NALF1: variants seen among roughly 807,000 people sequenced by gnomAD.
NALF1 encodes the protein NALCN channel auxiliary factor 1.
A neutral mutation model predicts 48.4 loss-of-function variants in NALF1; 3 were observed. The ratio of observed to expected loss-of-function variants is 0.06; its 90% CI spans 0.03 to 0.16. The LOEUF (loss-of-function observed/expected upper bound fraction) is 0.16. NALF1 is among the 10% of genes least tolerant of loss of function. The pLI, the probability that NALF1 is intolerant of heterozygous loss-of-function variation, is 1.00. For synonymous variants in NALF1, 262 were observed against 245.7 expected, an observed-to-expected ratio of 1.07 and a Z score of -0.62; for missense variants, 526 against 571.5, an observed-to-expected ratio of 0.92 and a Z score of 0.81.
chr13:107,347,080 A>C (rs576781011), intron 1 of NALF1, among the ~76,000 whole-genome samples: 1 of 152,336 alleles, frequency 6.6e-6, no homozygotes, highest in South Asian at 2.1e-4. Context: ...ATTTATCTTC[A>C]TATAAATGAA....
intron 1 of NALF1, among the ~76,000 whole-genome samples, chr13:107,559,947 T>TCCA (rs1303467080): frequency 6.6e-6 from 1 of 151,920 alleles, no homozygotes; most frequent in Non-Finnish European, 1.5e-5. Context: ...TAAAGGGGGA[T>TCCA]CCACCGGCCG....
At chr13:107,636,304 C>T (rs771767727) in intron 1 of NALF1, among the ~76,000 whole-genome samples, 5 of 152,086 alleles carry the variant, frequency 3.3e-5, no homozygotes, top group African/African-American at 4.8e-5. Flanking sequence ...TAAAATATAG[C>T]TGAGTTTGCT....
intron 1 of NALF1, among the ~76,000 whole-genome samples, chr13:107,555,222 A>T (rs1405525518): frequency 6.6e-6 from 1 of 152,008 alleles, no homozygotes; most frequent in African/African-American, 2.4e-5. Context: ...GTCATCACTC[A>T]AAACTTACGT....
intron 1 of NALF1, among the ~76,000 whole-genome samples, chr13:107,676,608 TTAATTTAA>T (rs781661396): frequency 0.061 from 2,661 of 43,592 alleles, 40 homozygotes; most frequent in Middle Eastern, 0.21. Flanking sequence ...TTTAATTTAA[TTAATTTAA>T]TTAATTAAAT....
intron 1 of NALF1, among the ~76,000 whole-genome samples, chr13:107,693,329 AG>A (rs1483568046): frequency 1.5e-5 from 1 of 68,002 alleles, no homozygotes; most frequent in African/African-American, 8.8e-5. Flanking sequence ...GTCGTAGGGT[AG>A]GGGGGGCGGG....
chr13:107,458,743 T>C (rs1028849698), intron 1 of NALF1, among the ~76,000 whole-genome samples: 1 of 152,168 alleles, frequency 6.6e-6, no homozygotes, highest in Non-Finnish European at 1.5e-5. Flanking sequence ...AACATGTATA[T>C]GGAGACAATA....
chr13:107,475,182 G>A (rs974974764), intron 1 of NALF1, among the ~76,000 whole-genome samples: 10 of 152,180 alleles, frequency 6.6e-5, no homozygotes, highest in South Asian at 2.1e-4. Context: ...TTTGTCATCC[G>A]AACATTATAT....
chr13:107,226,442 T>C (rs975620243), intron 1 of NALF1, among the ~76,000 whole-genome samples: 1 of 152,150 alleles, frequency 6.6e-6, no homozygotes, highest in Admixed American at 6.5e-5. Context: ...CAATGAAAAA[T>C]TATCCAATAA....
chr13:107,540,804 A>C (rs890513476), intron 1 of NALF1, among the ~76,000 whole-genome samples: 8 of 152,160 alleles, frequency 5.3e-5, no homozygotes, highest in Admixed American at 3.9e-4. Flanking sequence ...GGCCAAAAAA[A>C]GTTTTTGGAT....
At chr13:107,555,413 C>T (rs1041697403) in intron 1 of NALF1, among the ~76,000 whole-genome samples, 5 of 147,208 alleles carry the variant, frequency 3.4e-5, no homozygotes, top group African/African-American at 1.2e-4. Context: ...GCTGGGACTA[C>T]AGGTTCCTGC....
At chr13:107,262,372 G>A (rs892481918) in intron 1 of NALF1, among the ~76,000 whole-genome samples, 17 of 152,116 alleles carry the variant, frequency 1.1e-4, no homozygotes, top group South Asian at 2.1e-4. Context: ...CTGAGATCAC[G>A]CTGCTACACT....
chr13:107,563,177 C>T (rs532194648), intron 1 of NALF1, among the ~76,000 whole-genome samples: 92 of 152,284 alleles, frequency 6.0e-4, no homozygotes, highest in Admixed American at 1.1e-3. Context: ...AACACTTTTG[C>T]CGCAAGGAGA....
chr13:107,561,691 A>T (rs1354471014), intron 1 of NALF1, among the ~76,000 whole-genome samples: 1 of 152,184 alleles, frequency 6.6e-6, no homozygotes, highest in Admixed American at 6.5e-5. Context: ...TTAATTTTTA[A>T]GATTACCATC....
At chr13:107,716,729 C>A (rs1252271756) in intron 1 of NALF1, among the ~76,000 whole-genome samples, 1 of 152,172 alleles carries the variant, frequency 6.6e-6, no homozygotes, top group East Asian at 1.9e-4. Flanking sequence ...AAGGTTATCA[C>A]ACAGCTGTTG....
At chr13:107,273,222 T>C (rs985689111) in intron 1 of NALF1, among the ~76,000 whole-genome samples, 2 of 152,236 alleles carry the variant, frequency 1.3e-5, no homozygotes, top group South Asian at 2.1e-4. Flanking sequence ...CCTTGTTATG[T>C]TTCCCCAAGT....
At chr13:107,278,171 G>A (rs145424822) in intron 1 of NALF1, among the ~76,000 whole-genome samples, 2 of 152,258 alleles carry the variant, frequency 1.3e-5, no homozygotes, top group African/African-American at 2.4e-5. Flanking sequence ...AGGATATTTC[G>A]CAGAAGGTAG....
intron 1 of NALF1, among the ~76,000 whole-genome samples, chr13:107,536,800 T>C (rs541843384): frequency 9.0e-4 from 137 of 152,274 alleles, no homozygotes; most frequent in African/African-American, 3.0e-3. Context: ...TGCAGCACTA[T>C]TCACAATAGC....
intron 1 of NALF1, among the ~76,000 whole-genome samples, chr13:107,739,596 C>T (rs1237816875): frequency 6.6e-6 from 1 of 151,858 alleles, no homozygotes; most frequent in African/African-American, 2.4e-5. Context: ...TGGACAAATA[C>T]ACGGACTAAT....
chr13:107,233,370 A>G (rs1160819402), intron 1 of NALF1, among the ~76,000 whole-genome samples: 3 of 152,164 alleles, frequency 2.0e-5, no homozygotes, highest in African/African-American at 7.2e-5. Flanking sequence ...ATCTTTTTTC[A>G]GTGAGAAAAG....
Sources: allele counts gnomAD v4.1 joint callset (sites outside exome capture counted in the v4.1 genomes callset), GRCh38; gene constraint gnomAD v4.1.1; transcripts MANE v1.5; gene names NCBI Gene and HGNC (gene_info 2026-07-23, HGNC 2026-07-21).